PLXNA1: variants seen among roughly 807,000 people sequenced by gnomAD.
PLXNA1 encodes plexin A1.
In PLXNA1, 77 loss-of-function variants were observed where a neutral mutation model predicts 191.7. The ratio of observed to expected loss-of-function variants is 0.40; its 90% CI spans 0.33 to 0.49. PLXNA1 has a LOEUF of 0.49. Ranked by LOEUF, PLXNA1 falls within the 20% of genes least tolerant of loss-of-function variation. PLXNA1 has a pLI of 0.63. For missense variants in PLXNA1, 2,110 were observed against 2,660.2 expected (o/e 0.79, Z 4.55); for synonymous variants, 1,137 against 1,156.4 (o/e 0.98, Z 0.34).
chr3:127,032,857 C>G, intron 31 of PLXNA1, 21 bp downstream of exon 31: 1 of 1,609,646 alleles, frequency 6.2e-7, no homozygotes, highest in Non-Finnish European at 8.5e-7. Flanking sequence ...TGGGAGCCCA[C>G]AGGCTGGGCT....
rs1018017296 is a variant in PLXNA1, at chr3:127,005,952, C to G, written c.1898-127C>G. Reference sequence around the variant, plus strand: ...ACCTGGGGGCTGAGGGGGCTGGATGCGTGTTTGATGCGACTGATGGTGGCA... The same window carrying G: ...ACCTGGGGGCTGAGGGGGCTGGATGGGTGTTTGATGCGACTGATGGTGGCA... On this transcript the variant is annotated intron_variant, in intron 7 of 31. Coordinates refer to ENST00000393409, the MANE Select transcript of PLXNA1 (RefSeq NM_032242.4). 35 of 742,712 alleles carry G rather than the reference C, an allele frequency of 4.7e-5. 1 individual carries two copies. In the Middle Eastern group the frequency reaches 9.2e-4, roughly 20 times the overall value. The allele number at this position is 742,712 out of a possible 1,614,324, so 46.0% of individuals were successfully genotyped here. A position where few individuals can be genotyped will look rare whatever the true frequency, so the allele number is the denominator to read the frequency against.
In PLXNA1 at chr3:127,005,021, C is replaced by T. The variant is rs1484394392; in HGVS notation, c.1743+13C>T. ...GTCCCAGGTCCCAGTAAGTGTGGCA[C>T]CCCAGGTGGTAAGGGGTGGGGGACA... On this transcript the variant is annotated intron_variant, in intron 6 of 31. Transcript: ENST00000393409. The T allele has an allele frequency of 8.1e-6, 13 of 1,608,678 alleles. No homozygotes were observed. The highest frequency in any genetic ancestry group is 6.6e-5 in the South Asian group (6 of 90,806).
chr3:127,005,380 G>C, intron 7 of PLXNA1, 137 bp downstream of exon 7: 1 of 1,122,414 alleles, frequency 8.9e-7, no homozygotes, highest in Admixed American at 2.7e-5. Context: ...ATGGGTGGGG[G>C]TCTCACCACC....
chr3:127,013,204 T>C (rs1347003), intron 10 of PLXNA1, among the ~76,000 whole-genome samples: 63,754 of 152,058 alleles, frequency 0.42, 15,147 homozygotes, highest in African/African-American at 0.66. Flanking sequence ...GACATTTCTG[T>C]TCTATCACCA....
chr3:127,032,105 G>A (rs2079214529), intron 29 of PLXNA1: 2 of 427,868 alleles, frequency 4.7e-6, no homozygotes, highest in Non-Finnish European at 8.7e-6. Flanking sequence ...GTGGGCCCCT[G>A]AGGGCCTGGT....
chr3:126,993,223 G>A (rs2078999826), intron 3 of PLXNA1, among the ~76,000 whole-genome samples: 1 of 152,214 alleles, frequency 6.6e-6, no homozygotes, highest in African/African-American at 2.4e-5. Flanking sequence ...ACAGAACAGG[G>A]AACTGCAGAG....
intron 29 of PLXNA1, 63 bp from the exon 30 acceptor site, chr3:127,032,324 C>T: frequency 1.3e-6 from 2 of 1,523,916 alleles, no homozygotes; most frequent in Non-Finnish European, 1.8e-6. Flanking sequence ...GGGAGGGCCA[C>T]AAGGTCACTG....
At chr3:126,999,144 G>A (rs1476750761) in intron 3 of PLXNA1, among the ~76,000 whole-genome samples, 1 of 152,136 alleles carries the variant, frequency 6.6e-6, no homozygotes, top group Non-Finnish European at 1.5e-5. Flanking sequence ...AAGGGGAGGG[G>A]CAGGTGGGCT....
intron 29 of PLXNA1, 70 bp from the exon 30 acceptor site, chr3:127,032,317 A>T: frequency 6.8e-7 from 1 of 1,478,292 alleles, no homozygotes; most frequent in Admixed American, 1.9e-5. Flanking sequence ...CGGAGCTGGG[A>T]GGGCCACAAG....
chr3:127,028,798 G>A, intron 25 of PLXNA1, 195 bp from the exon 26 acceptor site: 2 of 593,804 alleles, frequency 3.4e-6, no homozygotes, highest in Non-Finnish European at 6.0e-6. Flanking sequence ...TGGGGCTGCT[G>A]TGGCAGATTG....
intron 15 of PLXNA1, among the ~76,000 whole-genome samples, chr3:127,016,046 C>T (rs1483860586): frequency 6.6e-6 from 1 of 152,132 alleles, no homozygotes; most frequent in Non-Finnish European, 1.5e-5. Flanking sequence ...GTGAGGCTGG[C>T]CCTGAGACAG....
At position 126,983,139 on chromosome 3, in the gene PLXNA1, G is replaced by T. The variant is rs2078938585; in HGVS notation, c.-222G>T. Among the ~76,000 whole-genome samples the T allele has an allele frequency of 6.9e-6, 1 of 145,564 alleles. No homozygotes were observed. Among genetic ancestry groups the T allele is most frequent in the African/African-American group, 2.5e-5 (1 of 40,654 alleles). ...CATTCATGCTGGGCATCGGCTGCGC[G>T]GCCACGCAGCGGAGCCCGGGCGCGG... is the stretch of plus-strand genomic sequence containing the variant. On this transcript the variant is annotated 5_prime_UTR_variant, in exon 1 of 32. Transcript: ENST00000393409.
intron 7 of PLXNA1, 48 bp downstream of exon 7, chr3:127,005,291 G>T: frequency 6.4e-7 from 1 of 1,559,148 alleles, no homozygotes; most frequent in South Asian, 1.2e-5. Context: ...CAGGTCCAGG[G>T]CTGCAATCCA....
Position 126,989,706 on chromosome 3 carries a change from G to A in PLXNA1, c.1113G>A (p.Glu371=). The stretch of plus-strand genomic sequence containing the variant: ...GGGCCATCAAGGAGAAGATTAAGGA[G>A]CGCATCCAGTCCTGCTACCGTGGTG... ...TLRAIKEKIK[E]RIQSCYRGEG... Residue 371 remains glutamate, a synonymous_variant, in exon 2 of 32, where the codon GAG becomes GAA. Coordinates refer to ENST00000393409, the MANE Select transcript of PLXNA1 (RefSeq NM_032242.4). The A allele has an allele frequency of 1.9e-6, 3 of 1,613,110 alleles. No homozygotes were observed. The highest frequency in any genetic ancestry group is 2.5e-6 in the Non-Finnish European group (3 of 1,180,018).
chr3:127,003,763 A>C (rs1263900150), intron 4 of PLXNA1, among the ~76,000 whole-genome samples: 10 of 152,200 alleles, frequency 6.6e-5, no homozygotes, highest in Non-Finnish European at 1.5e-4. Flanking sequence ...TCCTGACCAC[A>C]GAAACAGATG....
chr3:127,030,028 C>G lies in PLXNA1; in HGVS notation c.5025C>G (p.Val1675=), dbSNP rs1462786849. ...AGGGTGACCGCGGCAGCAAGATGGT[C>G]TCGGAGATCTACTTGACACGGCTAC... The part of the protein sequence containing the change: ...QREGDRGSKM[V]SEIYLTRLLA... Residue 1675 remains valine, a synonymous_variant, in exon 28 of 32, where the codon GTC becomes GTG. Coordinates refer to ENST00000393409, the MANE Select transcript of PLXNA1 (RefSeq NM_032242.4). 11 of 1,613,458 alleles carry G rather than the reference C, an allele frequency of 6.8e-6. No homozygotes were observed. Among genetic ancestry groups the G allele is most frequent in the East Asian group, 2.2e-5 (1 of 44,850 alleles).
At chr3:127,028,884 C>T (rs1175379979) in intron 25 of PLXNA1, 109 bp from the exon 26 acceptor site, 2 of 758,728 alleles carry the variant, frequency 2.6e-6, no homozygotes, top group Non-Finnish European at 4.4e-6. Flanking sequence ...TGTCCCTGCC[C>T]TGTGCTGGTG....
At position 127,029,624 on chromosome 3, in the gene PLXNA1, G is replaced by A. The variant is rs994153394; in HGVS notation, c.4870+88G>A. 44 of 1,374,854 alleles carry A rather than the reference G, an allele frequency of 3.2e-5. No homozygotes were observed. In the Admixed American group the frequency reaches 3.4e-4, roughly 11 times the overall value. The allele number at this position is 1,374,854 out of a possible 1,614,324, so 85.2% of individuals were successfully genotyped here. A position where few individuals can be genotyped will look rare whatever the true frequency, so the allele number is the denominator to read the frequency against. On this transcript the variant is annotated intron_variant, in intron 27 of 31. Coordinates refer to ENST00000393409, the MANE Select transcript of PLXNA1 (RefSeq NM_032242.4). ...CCCGGGCTCCCACGCTGCAGCAGCC[G>A]GACGGGAGGACCCAGGGGCAGGTGT...
intron 1 of PLXNA1, among the ~76,000 whole-genome samples, chr3:126,986,480 T>C (rs1417973426): frequency 6.6e-6 from 1 of 151,630 alleles, no homozygotes; most frequent in Non-Finnish European, 1.5e-5. Flanking sequence ...GGGCAGGGAG[T>C]GTGTGGGGAG....
Sources: gnomAD v4.1 joint callset for allele counts (sites outside exome capture counted in the v4.1 genomes callset) on GRCh38, gnomAD v4.1.1 for gene constraint, MANE v1.5 for transcripts, NCBI Gene and HGNC (gene_info 2026-07-23, HGNC 2026-07-21) for gene names.